Variants in EXPH5 observed in about 807,000 individuals in gnomAD.
EXPH5 encodes the protein exophilin-5.
In EXPH5, 42 loss-of-function variants were observed where a neutral mutation model predicts 41.1. That is an observed-to-expected ratio of 1.02 (90% confidence interval 0.80 to 1.32). The LOEUF (loss-of-function observed/expected upper bound fraction) is 1.32, where lower values mean the gene tolerates loss of function less well. Among genes scored for constraint, EXPH5 ranks in the 40% most tolerant of loss-of-function variants. The pLI is 0.00. For synonymous variants in EXPH5, 798 were observed against 833.5 expected, an observed-to-expected ratio of 0.96 and a Z score of 0.73; for missense variants, 2,298 against 2,314.5, an observed-to-expected ratio of 0.99 and a Z score of 0.15.
Position 108,512,966 on chromosome 11 carries a change from G to A in EXPH5, c.2541C>T (p.Asn847=). 3 of 1,613,080 alleles carry A rather than the reference G, an allele frequency of 1.9e-6. No individual in the cohort carries two copies. Among genetic ancestry groups the A allele is most frequent in the Non-Finnish European group, 2.5e-6 (3 of 1,179,576 alleles). ...NEDISRIITN[N]HWSSALTDTQ... ...TATCAGTCAGTGCAGAGCTCCAGTG[G>A]TTATTTGTAATAATTCTTGAAATAT... The change falls in exon 6 of 6, where the codon AAC becomes AAT. Residue 847 remains asparagine (N), a synonymous_variant. Coordinates refer to ENST00000265843, the MANE Select transcript of EXPH5 (RefSeq NM_015065.3).
rs1314653268 is a variant in EXPH5 at position 108,514,319 on chromosome 11, T to C, written c.1188A>G (p.Glu396=). 6 of 1,613,404 alleles carry C rather than the reference T, an allele frequency of 3.7e-6. No individual in the cohort carries two copies. The highest frequency in any genetic ancestry group is 1.6e-4 in the Middle Eastern group (1 of 6,062). Residue 396 remains glutamate (E), a synonymous_variant, in exon 6 of 6, where the codon GAA becomes GAG. Coordinates refer to ENST00000265843, the MANE Select transcript of EXPH5 (RefSeq NM_015065.3). ...EEFLRAPSPM[E]IDPADKYVYP... ...ACACATACTTGTCAGCGGGATCAATTTCCATTGGTGATGGTGCCCTCAGGA... is the reference window on the plus strand; with the variant it reads ...ACACATACTTGTCAGCGGGATCAATCTCCATTGGTGATGGTGCCCTCAGGA...
chr11:108,513,064 C>G lies in EXPH5; in HGVS notation c.2443G>C (p.Glu815Gln). ...GSTASLPFIQ[E>Q]HRTPPSFPRT... ...GGGAAAGATGGTGGTGTTCTGTGTT[C>G]CTGAATGAAAGGAAGGGAAGCTGTT... Residue 815 changes from glutamate to glutamine, a missense_variant, in exon 6 of 6, where the codon GAA (glutamate) becomes CAA (glutamine). Transcript: ENST00000265843. 6.2e-7 allele frequency: 1 copy of G among 1,612,492 alleles called. No homozygotes were observed. Among genetic ancestry groups the G allele is most frequent in the Non-Finnish European group, 8.5e-7 (1 of 1,179,606 alleles).
the EXPH5 span, among the ~76,000 whole-genome samples, chr11:108,607,151 A>G: frequency 3.9e-5 from 6 of 152,224 alleles, no homozygotes; most frequent in Admixed American, 2.6e-4. Flanking sequence ...TGTTAGGAAA[A>G]GAGACAAGAG....
intron 1 of EXPH5, chr11:108,568,175 T>TGGGGGG (rs1555198197): frequency 9.7e-6 from 1 of 102,872 alleles, no homozygotes; most frequent in Non-Finnish European, 1.9e-5. Context: ...TTACTTTTTT[T>TGGGGGG]GGGAGGGGGG....
chr11:108,513,239 AAACCCGTT>A lies in EXPH5; in HGVS notation c.2260_2267del (p.Asn754TrpfsTer3). 2 of 1,613,040 alleles carry A rather than the reference AAACCCGTT, an allele frequency of 1.2e-6. No individual in the cohort carries two copies. The highest frequency in any genetic ancestry group is 1.7e-6 in the Non-Finnish European group (2 of 1,179,758). On this transcript the variant is annotated frameshift_variant, in exon 6 of 6. Coordinates refer to ENST00000265843, the MANE Select transcript of EXPH5 (RefSeq NM_015065.3). LOFTEE classifies it low-confidence loss of function (END_TRUNC). ...TTATTATGGTAGATGCATTAAAACC[AAACCCGTT>A]GCTCTTGGCTGAGTCCTGGGATAAG...
intron 4 of EXPH5, among the ~76,000 whole-genome samples, chr11:108,523,156 A>G (rs1591685071): frequency 6.6e-6 from 1 of 152,284 alleles, no homozygotes; most frequent in East Asian, 1.9e-4. Flanking sequence ...GATTACAGGC[A>G]TGAACCACCA....
rs201679397 is a variant in EXPH5 at position 108,593,465 on chromosome 11, C to T, written c.72G>A (p.Val24=). ...NDEEARKILQ[V]LERNEELQRA... ...TCTGTAACTCCTCATTCCTTTCCAGCACCTGAAGGATCTTCCTGGCCTCTT... is the reference window on the plus strand; with the variant it reads ...TCTGTAACTCCTCATTCCTTTCCAGTACCTGAAGGATCTTCCTGGCCTCTT... Residue 24 remains valine (V), a synonymous_variant, in exon 1 of 6, where the codon GTG becomes GTA. Transcript: ENST00000265843. 5.5e-5 allele frequency: 89 copies of T among 1,614,216 alleles called. 1 individual carries two copies. In the East Asian group the frequency reaches 7.4e-4, roughly 13 times the overall value.
chr11:108,538,707 T>C (rs2093894840), intron 3 of EXPH5, among the ~76,000 whole-genome samples: 1 of 152,180 alleles, frequency 6.6e-6, no homozygotes, highest in Non-Finnish European at 1.5e-5. Flanking sequence ...TATATCTTCC[T>C]GGACAGGACA....
At chr11:108,528,638 A>C (rs1421098088) in intron 3 of EXPH5, among the ~76,000 whole-genome samples, 1 of 146,984 alleles carries the variant, frequency 6.8e-6, no homozygotes, top group Non-Finnish European at 1.5e-5. Context: ...CTGAGCTAGG[A>C]GTTGGGCAAA....
intron 3 of EXPH5, among the ~76,000 whole-genome samples, chr11:108,530,971 G>A (rs1307062589): frequency 1.3e-5 from 2 of 152,200 alleles, no homozygotes; most frequent in Non-Finnish European, 2.9e-5. Context: ...CATGTGAAGA[G>A]TTTCCACTTA....
At chr11:108,517,705 A>G (rs1312605630) in intron 5 of EXPH5, among the ~76,000 whole-genome samples, 1 of 152,198 alleles carries the variant, frequency 6.6e-6, no homozygotes, top group African/African-American at 2.4e-5. Flanking sequence ...GGAACAATAA[A>G]AGTCTATTAA....
Position 108,513,322 on chromosome 11 carries a change from G to T in EXPH5, c.2185C>A (p.Pro729Thr), listed in dbSNP as rs756480673. The T allele has an allele frequency of 2.5e-6, 4 of 1,613,856 alleles. No individual in the cohort carries two copies. Among genetic ancestry groups the T allele is most frequent in the East Asian group, 4.5e-5 (2 of 44,880 alleles). ...TTTGAGATCCCTGTCTGTGAAACAGGTTGGGGTATTTCACCTGCCTTGTTT... is the reference window on the plus strand; with the variant it reads ...TTTGAGATCCCTGTCTGTGAAACAGTTTGGGGTATTTCACCTGCCTTGTTT... ...QTNKAGEIPQPVSQTGISNSL... is the reference protein window; with the variant it reads ...QTNKAGEIPQTVSQTGISNSL... Residue 729 changes from proline to threonine, a missense_variant, in exon 6 of 6, where the codon CCT becomes ACT. Coordinates refer to ENST00000265843, the MANE Select transcript of EXPH5 (RefSeq NM_015065.3).
chr11:108,596,136 A>C (rs2094138632), upstream of EXPH5, among the ~76,000 whole-genome samples: 1 of 151,674 alleles, frequency 6.6e-6, no homozygotes, highest in Non-Finnish European at 1.5e-5. Context: ...CGGAGGTTGC[A>C]GTGAGCCGAG....
chr11:108,510,461 T>G lies in EXPH5; in HGVS notation c.5046A>C (p.Glu1682Asp), dbSNP rs1459693572. 4.3e-6 allele frequency: 7 copies of G among 1,614,112 alleles called. No individual in the cohort carries two copies. Among genetic ancestry groups the G allele is most frequent in the Non-Finnish European group, 5.1e-6 (6 of 1,180,020 alleles). ...LLPITVLPNR[E>D]PSTHVSNQKS... is the part of the protein sequence containing the mutation. ...TCTGGTTGCTGACGTGTGTAGAAGG[T>G]TCTCTGTTGGGTAGTACAGTAATGG... The change falls in exon 6 of 6, where the codon GAA (glutamate) becomes GAC (aspartate). Residue 1682 changes from glutamate to aspartate, a missense_variant. Coordinates refer to ENST00000265843, the MANE Select transcript of EXPH5 (RefSeq NM_015065.3).
chr11:108,531,416 C>T (rs1219885403), intron 3 of EXPH5, among the ~76,000 whole-genome samples: 1 of 152,134 alleles, frequency 6.6e-6, no homozygotes, highest in African/African-American at 2.4e-5. Context: ...TCTGTCTCTA[C>T]TAAAAATACA....
chr11:108,560,849 T>A (rs1164552319), intron 1 of EXPH5, among the ~76,000 whole-genome samples: 2 of 152,246 alleles, frequency 1.3e-5, no homozygotes, highest in South Asian at 4.1e-4. Context: ...CATTGTTATA[T>A]GTTCTTATTA....
the EXPH5 span, among the ~76,000 whole-genome samples, chr11:108,603,884 A>C: frequency 6.6e-6 from 1 of 152,218 alleles, no homozygotes; most frequent in Non-Finnish European, 1.5e-5. Context: ...GAGGAGAGAA[A>C]GGCTGTTTCC....
chr11:108,561,177 T>A (rs2094009975), intron 1 of EXPH5, among the ~76,000 whole-genome samples: 1 of 152,246 alleles, frequency 6.6e-6, no homozygotes, highest in Admixed American at 6.5e-5. Flanking sequence ...GAAGCAGTAG[T>A]GCCAGGTGTG....
At chr11:108,564,733 C>G (rs1311508102) in intron 1 of EXPH5, among the ~76,000 whole-genome samples, 1 of 152,086 alleles carries the variant, frequency 6.6e-6, no homozygotes, top group African/African-American at 2.4e-5. Context: ...TCAAATTTTC[C>G]CTTGTATGAC....
Sources: allele counts gnomAD v4.1 joint callset (sites outside exome capture counted in the v4.1 genomes callset), GRCh38; gene constraint gnomAD v4.1.1; transcripts MANE v1.5; gene names NCBI Gene and HGNC (gene_info 2026-07-23, HGNC 2026-07-21).